The following TBL1XR1 variants were observed in gnomAD, a reference collection of about 807,000 sequenced individuals.
TBL1XR1 encodes the protein F-box-like/WD repeat-containing protein TBL1XR1.
Under a neutral mutation model 66.9 loss-of-function variants are expected in TBL1XR1, and 5 were observed. The ratio of observed to expected loss-of-function variants is 0.07; its 90% CI spans 0.04 to 0.16. The LOEUF (loss-of-function observed/expected upper bound fraction) is 0.16. TBL1XR1 is among the 10% of genes least tolerant of loss of function. The pLI is 1.00. For missense variants in TBL1XR1, 238 were observed against 623.2 expected (o/e 0.38, Z 6.58); for synonymous variants, 210 against 206.0 (o/e 1.02, Z -0.17).
At position 177,065,555 on chromosome 3, in the gene TBL1XR1, T is replaced by G. The variant is rs572544080; in HGVS notation, c.-45-533A>C. ...CAAGTCTCAAAAAGCTCTAGGTATG[T>G]ATGAGATAGGCTGGAATACAGTTCC... On this transcript the variant is annotated intron_variant, in intron 2 of 15. Coordinates refer to ENST00000457928, the MANE Select transcript of TBL1XR1 (RefSeq NM_024665.7). 4.6e-5 allele frequency among the ~76,000 whole-genome samples: 7 copies of G among 152,316 alleles called. No homozygotes were observed. In the South Asian group the frequency reaches 1.0e-3, roughly 23 times the overall value.
intron 1 of TBL1XR1, among the ~76,000 whole-genome samples, chr3:177,177,316 G>A (rs1734276752): frequency 6.6e-6 from 1 of 151,982 alleles, no homozygotes; most frequent in Non-Finnish European, 1.5e-5. Flanking sequence ...CGGGTGTGGT[G>A]GCGTGCGCCC....
At chr3:177,168,437 A>T (rs1733088361) in intron 1 of TBL1XR1, among the ~76,000 whole-genome samples, 1 of 152,112 alleles carries the variant, frequency 6.6e-6, no homozygotes, top group Non-Finnish European at 1.5e-5. Context: ...ACCCGACACC[A>T]TACCCAGCTA....
intron 2 of TBL1XR1, among the ~76,000 whole-genome samples, chr3:177,069,690 G>T (rs1487110994): frequency 1.3e-5 from 2 of 151,832 alleles, no homozygotes; most frequent in Non-Finnish European, 2.9e-5. Context: ...AGTGAGCCGA[G>T]ATCGCACCAC....
At chr3:177,038,007 G>T in intron 12 of TBL1XR1, 91 bp downstream of exon 12, 1 of 1,122,830 alleles carries the variant, frequency 8.9e-7, no homozygotes, top group Non-Finnish European at 1.3e-6. Flanking sequence ...AACACTCCAT[G>T]TAAGACAGAC....
Position 177,051,588 on chromosome 3 carries a change from C to T in TBL1XR1, c.343G>A (p.Ala115Thr), listed in dbSNP as rs375411293. ...QQQAAAAAAA[A>T]AAASQQGSAK... is the part of the protein sequence containing the mutation. ...GATCCTTGTTGGCTGGCTGCAGCTGCGGCAGCTGCAGCAGCTGCTGCCTGT... is the reference window on the plus strand; with the variant it reads ...GATCCTTGTTGGCTGGCTGCAGCTGTGGCAGCTGCAGCAGCTGCTGCCTGT... Residue 115 changes from alanine to threonine, a missense_variant, in exon 5 of 16, where the codon GCA becomes ACA. By Grantham distance (58) the Ala-to-Thr change is moderately conservative. Transcript: ENST00000457928. 161 of 1,613,330 alleles carry T rather than the reference C, an allele frequency of 1.0e-4. No homozygotes were observed. The highest frequency in any genetic ancestry group is 2.4e-4 in the African/African-American group (18 of 74,804).
chr3:177,171,495 A>C (rs1181963117), intron 1 of TBL1XR1: 1 of 152,082 alleles, frequency 6.6e-6, no homozygotes. Context: ...GTAGATCGAG[A>C]CCATCCTGGC....
At chr3:177,025,995 G>A in intron 15 of TBL1XR1, 1 of 284,734 alleles carries the variant, frequency 3.5e-6, no homozygotes, top group Non-Finnish European at 6.5e-6. Context: ...CTCAACACAG[G>A]AACCAACTGC....
chr3:177,150,469 C>T (rs866674369), intron 1 of TBL1XR1, among the ~76,000 whole-genome samples: 2 of 152,210 alleles, frequency 1.3e-5, no homozygotes, highest in South Asian at 2.1e-4. Context: ...TATCAGGTCA[C>T]TAAAACTGAA....
intron 2 of TBL1XR1, among the ~76,000 whole-genome samples, chr3:177,086,456 T>A (rs537744004): frequency 8.3e-4 from 126 of 151,892 alleles, no homozygotes; most frequent in African/African-American, 2.9e-3. Flanking sequence ...GGCCAAGGTG[T>A]CTCAATATGG....
chr3:177,192,398 C>CAAAAA lies in TBL1XR1; in HGVS notation c.-122+4718_-122+4722dup, dbSNP rs759331999. ...CAACAAACAAAGTGAGACTTTATCT[C>CAAAAA]AAAAAAAAAAAAAAAAGAAAGAAAG... On this transcript the variant is annotated intron_variant, in intron 1 of 15. Transcript: ENST00000457928. 2.0e-3 allele frequency among the ~76,000 whole-genome samples: 163 copies of CAAAAA among 83,496 alleles called. 1 individual carries two copies. The East Asian group carries it at 0.037, about 19-fold the overall frequency. 54.8% of individuals were successfully genotyped at this position (83,496 alleles called of 152,430 possible).
At chr3:177,073,589 T>C (rs1056802611) in intron 2 of TBL1XR1, among the ~76,000 whole-genome samples, 1 of 152,180 alleles carries the variant, frequency 6.6e-6, no homozygotes, top group Admixed American at 6.5e-5. Flanking sequence ...AATTTAGTTT[T>C]TCTATCATGC....
At chr3:177,185,884 G>A (rs115083101) in intron 1 of TBL1XR1, among the ~76,000 whole-genome samples, 5,232 of 152,062 alleles carry the variant, frequency 0.034, 304 homozygotes, top group African/African-American at 0.12. Flanking sequence ...GGTGCTGCTC[G>A]TCTGTAGTCC....
At chr3:177,147,388 C>CT (rs1325387128) in intron 1 of TBL1XR1, among the ~76,000 whole-genome samples, 1 of 152,142 alleles carries the variant, frequency 6.6e-6, no homozygotes, top group Non-Finnish European at 1.5e-5. Flanking sequence ...GGTGATGGTG[C>CT]TGCAGAACAT....
intron 1 of TBL1XR1, among the ~76,000 whole-genome samples, chr3:177,180,181 G>T (rs1734634337): frequency 7.0e-6 from 1 of 142,042 alleles, no homozygotes; most frequent in Admixed American, 7.5e-5. Flanking sequence ...GGGTTGCAGT[G>T]AGCTGAGATC....
At chr3:177,177,471 A>G (rs1024498263) in intron 1 of TBL1XR1, among the ~76,000 whole-genome samples, 14 of 152,208 alleles carry the variant, frequency 9.2e-5, no homozygotes, top group African/African-American at 3.1e-4. Flanking sequence ...AAATAAAAAT[A>G]AAACATTAAC....
chr3:177,034,073 C>T, intron 13 of TBL1XR1, 125 bp downstream of exon 13: 1 of 1,102,452 alleles, frequency 9.1e-7, no homozygotes, highest in South Asian at 1.5e-5. Flanking sequence ...CCAAAAACTA[C>T]TGAAATTGGA....
At chr3:177,051,939 T>C (rs1470116998) in intron 4 of TBL1XR1, among the ~76,000 whole-genome samples, 2 of 152,190 alleles carry the variant, frequency 1.3e-5, no homozygotes, top group African/African-American at 2.4e-5. Flanking sequence ...ATTTAATTCA[T>C]ACTATTATTA....
chr3:177,174,490 C>G (rs1560263329), intron 1 of TBL1XR1, among the ~76,000 whole-genome samples: 1 of 151,892 alleles, frequency 6.6e-6, no homozygotes, highest in Non-Finnish European at 1.5e-5. Context: ...AACACACCCT[C>G]CTGCTTTAGC....
intron 1 of TBL1XR1, among the ~76,000 whole-genome samples, chr3:177,122,279 T>C (rs1054392242): frequency 3.9e-5 from 3 of 77,320 alleles, no homozygotes; most frequent in African/African-American, 1.5e-4. Flanking sequence ...ATAACTTATA[T>C]AAGACAGATA....
Sources: gnomAD v4.1 joint callset for allele counts (sites outside exome capture counted in the v4.1 genomes callset) on GRCh38, gnomAD v4.1.1 for gene constraint, MANE v1.5 for transcripts, NCBI Gene and HGNC (gene_info 2026-07-23, HGNC 2026-07-21) for gene names.